The following RPS6KA5 variants were observed in gnomAD, a reference collection of about 807,000 sequenced individuals.
The protein encoded by RPS6KA5 is ribosomal protein S6 kinase alpha-5.
RPS6KA5 carries 27 observed loss-of-function variants against 85.5 expected under a neutral mutation model. The observed-to-expected ratio is 0.32, with a 90% CI of 0.23 to 0.44. The LOEUF (loss-of-function observed/expected upper bound fraction) is 0.44. RPS6KA5 is among the 20% of genes least tolerant of loss of function. The pLI is 1.00. For synonymous variants in RPS6KA5, 334 were observed against 348.2 expected (o/e 0.96, Z 0.46); for missense variants, 811 against 980.9 (o/e 0.83, Z 2.31).
chr14:90,964,861 G>T (rs2038976780), intron 3 of RPS6KA5, among the ~76,000 whole-genome samples: 1 of 145,814 alleles, frequency 6.9e-6, no homozygotes, highest in South Asian at 2.2e-4. Flanking sequence ...GCTGCAGTGG[G>T]CCATGATAGT....
chr14:90,881,285 T>C (rs1253697917), intron 14 of RPS6KA5, among the ~76,000 whole-genome samples: 3 of 151,262 alleles, frequency 2.0e-5, no homozygotes, highest in Non-Finnish European at 4.4e-5. Context: ...ACCCCATCTC[T>C]ACTAAAACTA....
chr14:91,030,609 C>CAAAAAAAAAA (rs1566885218), intron 1 of RPS6KA5, among the ~76,000 whole-genome samples: 1 of 954 alleles, frequency 1.0e-3, no homozygotes, highest in Non-Finnish European at 2.2e-3. Flanking sequence ...CCAAAATAAA[C>CAAAAAAAAAA]AGAAAAAAAA....
chr14:90,883,131 T>C (rs2033965228), intron 14 of RPS6KA5, among the ~76,000 whole-genome samples: 1 of 152,170 alleles, frequency 6.6e-6, no homozygotes, highest in African/African-American at 2.4e-5. Flanking sequence ...CTTACTTGAA[T>C]TTTGTTGAAT....
chr14:90,998,887 T>A (rs903534599), intron 2 of RPS6KA5, among the ~76,000 whole-genome samples: 9 of 152,150 alleles, frequency 5.9e-5, no homozygotes, highest in African/African-American at 2.2e-4. Flanking sequence ...GCCGTAGACA[T>A]GAAGGCTCAT....
chr14:90,877,970 T>C (rs2033587167), intron 14 of RPS6KA5, among the ~76,000 whole-genome samples: 1 of 152,194 alleles, frequency 6.6e-6, no homozygotes, highest in South Asian at 2.1e-4. Context: ...GGTTAATAAG[T>C]TTGTCTCTTA....
At chr14:90,957,090 A>G (rs1273226831) in intron 3 of RPS6KA5, among the ~76,000 whole-genome samples, 3 of 150,496 alleles carry the variant, frequency 2.0e-5, no homozygotes, top group Non-Finnish European at 4.4e-5. Flanking sequence ...TTTGAGACAG[A>G]GTCTCACTCT....
intron 1 of RPS6KA5, among the ~76,000 whole-genome samples, chr14:91,021,051 G>A (rs1210161242): frequency 6.6e-6 from 1 of 152,060 alleles, no homozygotes; most frequent in African/African-American, 2.4e-5. Flanking sequence ...TTTATCCACT[G>A]TATAGGTGGA....
chr14:90,974,931 C>T (rs546930259), intron 3 of RPS6KA5, among the ~76,000 whole-genome samples: 48 of 152,204 alleles, frequency 3.2e-4, no homozygotes, highest in African/African-American at 1.1e-3. Flanking sequence ...AATTTATTAG[C>T]TGGGAAAGGT....
At position 90,894,601 on chromosome 14, in the gene RPS6KA5, T is replaced by A. The variant is rs759773556; in HGVS notation, c.1474-18A>T. ...GTGTGAAGCTAGAAAAGAGAAAGAA[T>A]AACGTGGAGGGCCTTCCTGAAGCAC... On this transcript the variant is annotated intron_variant, in intron 12 of 16. Coordinates refer to ENST00000614987, the MANE Select transcript of RPS6KA5 (RefSeq NM_004755.4). The A allele has an allele frequency of 6.2e-7, 1 of 1,611,422 alleles. No homozygotes were observed. The highest frequency in any genetic ancestry group is 8.5e-7 in the Non-Finnish European group (1 of 1,178,240).
intron 2 of RPS6KA5, among the ~76,000 whole-genome samples, chr14:90,997,623 GCCAAA>G (rs1432210658): frequency 5.9e-5 from 9 of 152,106 alleles, no homozygotes; most frequent in African/African-American, 2.2e-4. Context: ...ATTTATAACA[GCCAAA>G]AGATGGAAAC....
chr14:90,910,191 T>G (rs566260233), intron 7 of RPS6KA5, among the ~76,000 whole-genome samples: 1 of 152,284 alleles, frequency 6.6e-6, no homozygotes, highest in Non-Finnish European at 1.5e-5. Flanking sequence ...TGCCTTATAT[T>G]ACAACCCAAA....
intron 14 of RPS6KA5, among the ~76,000 whole-genome samples, chr14:90,880,483 A>G (rs1363909711): frequency 6.6e-6 from 1 of 152,242 alleles, no homozygotes; most frequent in Non-Finnish European, 1.5e-5. Context: ...ATAATATTCC[A>G]GTGTATGTAT....
chr14:91,006,396 C>A (rs1722066055), intron 1 of RPS6KA5, among the ~76,000 whole-genome samples: 1 of 152,162 alleles, frequency 6.6e-6, no homozygotes, highest in Admixed American at 6.5e-5. Flanking sequence ...ATCCTAATCT[C>A]CAAAGTGATG....
chr14:91,052,417 G>T lies in RPS6KA5; in HGVS notation c.103+7915C>A, dbSNP rs756030280. The T allele has an allele frequency of 1.1e-5, 4 of 367,472 alleles. No individual in the cohort carries two copies. The Admixed American group carries it at 1.1e-4, about 10-fold the overall frequency. The allele number at this position is 367,472 out of a possible 1,614,324, so 22.8% of individuals were successfully genotyped here. A position where few individuals can be genotyped will look rare whatever the true frequency, so the allele number is the denominator to read the frequency against. On this transcript the variant is annotated intron_variant, in intron 1 of 16. Coordinates refer to ENST00000614987, the MANE Select transcript of RPS6KA5 (RefSeq NM_004755.4). The stretch of plus-strand genomic sequence containing the variant: ...CAGGAGGCGGAGGTTATAGTGAGCC[G>T]AGATCAGCACCACACTCCAGCCTGG...
chr14:90,888,934 A>C (rs182912188), intron 14 of RPS6KA5, among the ~76,000 whole-genome samples: 307 of 152,352 alleles, frequency 2.0e-3, no homozygotes, highest in African/African-American at 6.8e-3. Flanking sequence ...AAAGTCTTTA[A>C]TAGAGCTTTA....
At chr14:91,049,712 ATG>A (rs2042996795) in intron 1 of RPS6KA5, among the ~76,000 whole-genome samples, 1 of 152,212 alleles carries the variant, frequency 6.6e-6, no homozygotes, top group African/African-American at 2.4e-5. Flanking sequence ...CAATGAGAAC[ATG>A]TTCTGAGAAA....
chr14:91,005,936 G>C, intron 1 of RPS6KA5, among the ~76,000 whole-genome samples: 1 of 40,926 alleles, frequency 2.4e-5, no homozygotes, highest in Non-Finnish European at 4.3e-5. Flanking sequence ...ATGATGTGGA[G>C]CTACCTGCAT....
chr14:90,923,185 T>C lies in RPS6KA5; in HGVS notation c.630A>G (p.Ala210=). The C allele has an allele frequency of 6.2e-7, 1 of 1,612,356 alleles. No individual in the cohort carries two copies. Among genetic ancestry groups the C allele is most frequent in the Non-Finnish European group, 8.5e-7 (1 of 1,178,842 alleles). ...KEFVADETER[A]YSFCGTIEYM... ...ATTCAATAGTTCCACAAAAGGAATA[T>C]GCTCTTTCAGTCTTGAACAAACAAA... The change falls in exon 6 of 17, where the codon GCA becomes GCG. Residue 210 remains alanine (A), a synonymous_variant. Transcript: ENST00000614987.
At chr14:91,041,697 C>T (rs1034752290) in intron 1 of RPS6KA5, among the ~76,000 whole-genome samples, 1 of 152,014 alleles carries the variant, frequency 6.6e-6, no homozygotes, top group African/African-American at 2.4e-5. Context: ...GGCCTCAAAC[C>T]GTGTCTCTGG....
Sources: allele counts gnomAD v4.1 joint callset (sites outside exome capture counted in the v4.1 genomes callset), GRCh38; gene constraint gnomAD v4.1.1; transcripts MANE v1.5; gene names NCBI Gene and HGNC (gene_info 2026-07-23, HGNC 2026-07-21).